HEMK2: variants seen among roughly 807,000 people sequenced by gnomAD.
The protein encoded by HEMK2 is HemK methyltransferase 2, ETF1 glutamine and histone H4 lysine.
chr21:28,789,417 C>T, the HEMK2 span, among the ~76,000 whole-genome samples: 4 of 152,038 alleles, frequency 2.6e-5, no homozygotes, highest in Non-Finnish European at 5.9e-5. Flanking sequence ...GGGAAGAAGA[C>T]AAGATGCTTG....
At chr21:28,637,693 T>C in the HEMK2 span, among the ~76,000 whole-genome samples, 1 of 152,190 alleles carries the variant, frequency 6.6e-6, no homozygotes, top group Non-Finnish European at 1.5e-5. Flanking sequence ...CTGAAATTAA[T>C]TGTAGAATTT....
At chr21:28,683,405 C>G in the HEMK2 span, among the ~76,000 whole-genome samples, 1 of 152,264 alleles carries the variant, frequency 6.6e-6, no homozygotes, top group Admixed American at 6.5e-5. Flanking sequence ...TCATCTGAAA[C>G]ACTGTGATGA....
the HEMK2 span, among the ~76,000 whole-genome samples, chr21:28,765,883 G>C: frequency 5.9e-5 from 9 of 151,928 alleles, no homozygotes; most frequent in Admixed American, 6.6e-5. Flanking sequence ...TAATCAACAG[G>C]GAAATGCAAA....
At chr21:28,649,519 G>A in the HEMK2 span, among the ~76,000 whole-genome samples, 2 of 152,210 alleles carry the variant, frequency 1.3e-5, no homozygotes, top group Non-Finnish European at 1.5e-5. Flanking sequence ...CACAAGTAGA[G>A]TATATTCTAG....
At chr21:28,742,496 T>C in the HEMK2 span, among the ~76,000 whole-genome samples, 1 of 152,200 alleles carries the variant, frequency 6.6e-6, no homozygotes, top group Non-Finnish European at 1.5e-5. Context: ...ATTCACCAAG[T>C]GCTGGTAGCT....
At chr21:28,715,073 A>G in the HEMK2 span, among the ~76,000 whole-genome samples, 1 of 152,060 alleles carries the variant, frequency 6.6e-6, no homozygotes, top group East Asian at 1.9e-4. Flanking sequence ...CAATGTCTTT[A>G]CTCATATTAA....
the HEMK2 span, among the ~76,000 whole-genome samples, chr21:28,757,754 T>C: frequency 1.3e-5 from 2 of 152,152 alleles, no homozygotes; most frequent in East Asian, 1.9e-4. Flanking sequence ...CTGACTAGGA[T>C]AAGCGTAGAC....
At chr21:28,867,135 T>C in the HEMK2 span, among the ~76,000 whole-genome samples, 188 of 152,312 alleles carry the variant, frequency 1.2e-3, no homozygotes, top group African/African-American at 4.4e-3. Context: ...TTGTACCGTA[T>C]GATTTAGAAA....
At chr21:28,615,297 T>C in the HEMK2 span, among the ~76,000 whole-genome samples, 19 of 151,844 alleles carry the variant, frequency 1.3e-4, no homozygotes, top group Admixed American at 5.9e-4. Context: ...GGGTCGTCTC[T>C]CTCTTTCCCA....
At chr21:28,650,947 G>C in the HEMK2 span, among the ~76,000 whole-genome samples, 1 of 152,130 alleles carries the variant, frequency 6.6e-6, no homozygotes, top group African/African-American at 2.4e-5. Flanking sequence ...TGCTAAAGGT[G>C]GGTACAGAGT....
chr21:28,669,882 T>A, the HEMK2 span, among the ~76,000 whole-genome samples: 1 of 152,208 alleles, frequency 6.6e-6, no homozygotes, highest in Non-Finnish European at 1.5e-5. Context: ...TGGGAACTCA[T>A]GCTCCCTACA....
the HEMK2 span, among the ~76,000 whole-genome samples, chr21:28,780,112 T>C: frequency 6.6e-6 from 1 of 152,152 alleles, no homozygotes; most frequent in South Asian, 2.1e-4. Flanking sequence ...CCATGAGCTA[T>C]GAGCTTATGA....
chr21:28,866,915 T>A, the HEMK2 span, among the ~76,000 whole-genome samples: 1 of 152,082 alleles, frequency 6.6e-6, no homozygotes, highest in Non-Finnish European at 1.5e-5. Context: ...TAATGGCTAA[T>A]AAACATATGA....
the HEMK2 span, among the ~76,000 whole-genome samples, chr21:28,756,211 G>A: frequency 4.4e-4 from 67 of 152,208 alleles, no homozygotes; most frequent in South Asian, 8.9e-3. Flanking sequence ...GTCTACCCTG[G>A]GGCCACCTAA....
chr21:28,763,663 T>C, the HEMK2 span, among the ~76,000 whole-genome samples: 1 of 152,104 alleles, frequency 6.6e-6, no homozygotes, highest in African/African-American at 2.4e-5. Context: ...GCCTAAGTGA[T>C]GGAGGTGTGG....
chr21:28,648,295 T>C, the HEMK2 span, among the ~76,000 whole-genome samples: 1 of 152,222 alleles, frequency 6.6e-6, no homozygotes, highest in East Asian at 1.9e-4. Context: ...TCCTGAGAGT[T>C]AAACCTAATA....
the HEMK2 span, among the ~76,000 whole-genome samples, chr21:28,865,671 T>C: frequency 2.0e-5 from 3 of 152,178 alleles, no homozygotes; most frequent in African/African-American, 7.2e-5. Flanking sequence ...CTGAATATGC[T>C]GGACTCTGAC....
At chr21:28,595,230 C>T in the HEMK2 span, among the ~76,000 whole-genome samples, 4 of 152,258 alleles carry the variant, frequency 2.6e-5, no homozygotes, top group Non-Finnish European at 5.9e-5. Flanking sequence ...TTATTATTGA[C>T]TATAGTCACC....
the HEMK2 span, among the ~76,000 whole-genome samples, chr21:28,859,221 G>C: frequency 6.6e-6 from 1 of 152,160 alleles, no homozygotes; most frequent in Non-Finnish European, 1.5e-5. Context: ...TTACACTCTA[G>C]TCTCAAAACT....
Sources: gnomAD v4.1 joint callset for allele counts (sites outside exome capture counted in the v4.1 genomes callset) on GRCh38, gnomAD v4.1.1 for gene constraint, MANE v1.5 for transcripts, NCBI Gene and HGNC (gene_info 2026-07-23, HGNC 2026-07-21) for gene names.